The following SGMS1 variants were observed in gnomAD, a reference collection of about 807,000 sequenced individuals.
SGMS1 encodes the protein phosphatidylcholine:ceramide cholinephosphotransferase 1.
Under a neutral mutation model 46.2 loss-of-function variants are expected in SGMS1, and 13 were observed. The observed-to-expected ratio is 0.28, with a 90% CI of 0.18 to 0.45. SGMS1 has a LOEUF of 0.45. Among genes scored for constraint, SGMS1 ranks in the 20% least tolerant of loss-of-function variants. SGMS1 has a pLI of 1.00. For missense variants in SGMS1, 324 were observed against 519.9 expected (o/e 0.62, Z 3.66); for synonymous variants, 203 against 187.8 (o/e 1.08, Z -0.66).
intron 6 of SGMS1, among the ~76,000 whole-genome samples, chr10:50,387,603 G>T (rs550623443): frequency 6.6e-6 from 1 of 152,144 alleles, no homozygotes. Context: ...GAGATAACCA[G>T]TGCTAACAGG....
intron 6 of SGMS1, chr10:50,418,154 A>T (rs1336489016): frequency 3.3e-5 from 5 of 152,140 alleles, no homozygotes; most frequent in African/African-American, 1.2e-4. Context: ...GCGCGCAGCC[A>T]GCCCTGGCGC....
chr10:50,314,335 C>A (rs2133282599), intron 8 of SGMS1, among the ~76,000 whole-genome samples: 1 of 152,120 alleles, frequency 6.6e-6, no homozygotes, highest in Non-Finnish European at 1.5e-5. Flanking sequence ...CAAAGTAGTG[C>A]AGGGGAAGAG....
At chr10:50,516,817 T>G (rs1837810388) in intron 3 of SGMS1, among the ~76,000 whole-genome samples, 1 of 152,208 alleles carries the variant, frequency 6.6e-6, no homozygotes, top group African/African-American at 2.4e-5. Context: ...AATTAGAGTC[T>G]GAATAAATTA....
intron 8 of SGMS1, among the ~76,000 whole-genome samples, chr10:50,317,189 G>T (rs1156623749): frequency 1.3e-5 from 2 of 152,218 alleles, no homozygotes; most frequent in Admixed American, 1.3e-4. Context: ...TAATGTGTTT[G>T]AAAGTGTGAT....
intron 3 of SGMS1, among the ~76,000 whole-genome samples, chr10:50,487,973 A>G (rs1032937991): frequency 6.7e-6 from 1 of 148,310 alleles, no homozygotes; most frequent in African/African-American, 2.5e-5. Context: ...CCTGATTTTT[A>G]TTTTGTTTTT....
At chr10:50,547,150 G>C (rs1324850727) in intron 2 of SGMS1, among the ~76,000 whole-genome samples, 1 of 151,964 alleles carries the variant, frequency 6.6e-6, no homozygotes, top group Non-Finnish European at 1.5e-5. Flanking sequence ...CAGAAGAGTT[G>C]TTTCTATTGA....
In SGMS1 at chr10:50,430,445, C is replaced by T. The variant is rs182035024; in HGVS notation, c.-232+3031G>A. ...GGAAAATAAAGCATGTATCTAATCT[C>T]GGCATAGAAAAGTATGGCAGAATAC... is the stretch of plus-strand genomic sequence containing the variant. On this transcript the variant is annotated intron_variant, in intron 6 of 10. Transcript: ENST00000361781. 7.0e-4 allele frequency among the ~76,000 whole-genome samples: 97 copies of T among 138,034 alleles called. 3 individuals carry two copies. The East Asian group carries it at 0.019, about 28-fold the overall frequency. 90.6% of individuals were successfully genotyped at this position (138,034 alleles called of 152,430 possible).
rs138792053 is a variant in SGMS1, at chr10:50,322,991, T to C, written c.741+4214A>G. Among the ~76,000 whole-genome samples the C allele has an allele frequency of 3.4e-3, 511 of 152,296 alleles. 2 individuals are homozygous for C. Among genetic ancestry groups the C allele is most frequent in the African/African-American group, 0.012 (484 of 41,554 alleles). ...TAAGCCATGCACATGTATACCACCA[T>C]GGGATATGCCAGAAATTTGCAATCT... On this transcript the variant is annotated intron_variant, in intron 8 of 10. Coordinates refer to ENST00000361781, the MANE Select transcript of SGMS1 (RefSeq NM_147156.4).
intron 6 of SGMS1, among the ~76,000 whole-genome samples, chr10:50,344,636 G>A (rs1411929572): frequency 1.3e-5 from 2 of 152,152 alleles, no homozygotes; most frequent in Non-Finnish European, 2.9e-5. Context: ...TTGGGAGAAC[G>A]AGGCGGGCGG....
chr10:50,408,463 A>ACAAAC (rs1564905047), intron 6 of SGMS1, among the ~76,000 whole-genome samples: 2 of 151,352 alleles, frequency 1.3e-5, no homozygotes, highest in Admixed American at 6.6e-5. Flanking sequence ...AAACAAAATA[A>ACAAAC]AAACTTTTTT....
intron 8 of SGMS1, among the ~76,000 whole-genome samples, chr10:50,315,747 A>G (rs1847328315): frequency 6.6e-6 from 1 of 152,196 alleles, no homozygotes; most frequent in Non-Finnish European, 1.5e-5. Flanking sequence ...AGACATAAAA[A>G]CTTTCAGTGG....
At chr10:50,572,467 T>C (rs953468761) in intron 2 of SGMS1, among the ~76,000 whole-genome samples, 2 of 152,078 alleles carry the variant, frequency 1.3e-5, no homozygotes, top group African/African-American at 2.4e-5. Flanking sequence ...TGCAGTGTTG[T>C]CAAGGTCTCT....
At chr10:50,526,365 G>A (rs1439499933) in intron 2 of SGMS1, among the ~76,000 whole-genome samples, 1 of 152,046 alleles carries the variant, frequency 6.6e-6, no homozygotes, top group Non-Finnish European at 1.5e-5. Flanking sequence ...GGGGATATCT[G>A]CCCCCATGAT....
At chr10:50,349,650 G>A (rs1847972094) in intron 6 of SGMS1, among the ~76,000 whole-genome samples, 1 of 152,158 alleles carries the variant, frequency 6.6e-6, no homozygotes, top group African/African-American at 2.4e-5. Context: ...TCATGGAGGT[G>A]GTCCCCTTAT....
chr10:50,390,139 A>T (rs1012671580), intron 6 of SGMS1, among the ~76,000 whole-genome samples: 9 of 152,254 alleles, frequency 5.9e-5, no homozygotes, highest in Non-Finnish European at 1.0e-4. Flanking sequence ...TGGTTAAAAT[A>T]TCTGCAATGA....
chr10:50,469,601 C>T (rs1018711809), intron 3 of SGMS1, among the ~76,000 whole-genome samples: 6 of 152,142 alleles, frequency 3.9e-5, no homozygotes, highest in African/African-American at 1.4e-4. Flanking sequence ...TGGCTCTAAA[C>T]TTTCAATTTA....
At chr10:50,600,787 G>C (rs1269979959) in intron 1 of SGMS1, among the ~76,000 whole-genome samples, 1 of 152,100 alleles carries the variant, frequency 6.6e-6, no homozygotes, top group Non-Finnish European at 1.5e-5. Flanking sequence ...GTTAATTTTT[G>C]ACAAAACAGG....
In SGMS1 at chr10:50,330,317, A is replaced by ACAAAC. The variant is rs1379084255; in HGVS notation, c.624-3000_624-2996dup. 2.5e-4 allele frequency among the ~76,000 whole-genome samples: 38 copies of ACAAAC among 151,722 alleles called. No individual in the cohort carries two copies. In the Middle Eastern group the frequency reaches 0.01, roughly 41 times the overall value. ...AAAAAACAAAACAAAACAAAACAAA[A>ACAAAC]CAAACAAACAAAAAAACATTAGCTG... On this transcript the variant is annotated intron_variant, in intron 7 of 10. Coordinates refer to ENST00000361781, the MANE Select transcript of SGMS1 (RefSeq NM_147156.4).
intron 1 of SGMS1, among the ~76,000 whole-genome samples, chr10:50,600,458 G>T (rs1838638948): frequency 6.6e-6 from 1 of 152,186 alleles, no homozygotes; most frequent in Non-Finnish European, 1.5e-5. Context: ...CACTCAAGGA[G>T]AATGCAAATA....
Sources: allele counts gnomAD v4.1 joint callset (sites outside exome capture counted in the v4.1 genomes callset), GRCh38; gene constraint gnomAD v4.1.1; transcripts MANE v1.5; gene names NCBI Gene and HGNC (gene_info 2026-07-23, HGNC 2026-07-21).